Variants in RBPMS observed in about 807,000 individuals in gnomAD.
RBPMS encodes the protein RNA binding protein, mRNA processing factor.
A neutral mutation model predicts 26.8 loss-of-function variants in RBPMS; 7 were observed. The observed-to-expected ratio is 0.26, with a 90% confidence interval of 0.15 to 0.49. The LOEUF is 0.49. Among genes scored for constraint, RBPMS ranks in the 20% least tolerant of loss-of-function variants. The pLI, the probability that RBPMS is intolerant of heterozygous loss-of-function variation, is 0.98. For missense variants in RBPMS, 186 were observed against 250.0 expected (o/e 0.74, Z 1.73); for synonymous variants, 96 against 93.3 (o/e 1.03, Z -0.17).
intron 2 of RBPMS, among the ~76,000 whole-genome samples, chr8:30,477,121 C>CGGCT (rs992386715): frequency 1.4e-4 from 21 of 152,146 alleles, no homozygotes; most frequent in Non-Finnish European, 1.2e-4. Context: ...GTGACGCCAT[C>CGGCT]GGCTCACTGC....
chr8:30,461,055 A>G (rs1815832357), intron 1 of RBPMS, among the ~76,000 whole-genome samples: 1 of 151,772 alleles, frequency 6.6e-6, no homozygotes, highest in Non-Finnish European at 1.5e-5. Context: ...TGAAAAAAAA[A>G]AAAAAGAAAT....
chr8:30,451,029 G>A (rs1285250869), intron 1 of RBPMS, among the ~76,000 whole-genome samples: 1 of 152,040 alleles, frequency 6.6e-6, no homozygotes, highest in Non-Finnish European at 1.5e-5. Flanking sequence ...TCCTTGAAAA[G>A]CCCTGGAGGT....
chr8:30,529,752 CT>C (rs34005902), intron 5 of RBPMS, among the ~76,000 whole-genome samples: 27,802 of 140,572 alleles, frequency 0.2, 2,737 homozygotes, highest in South Asian at 0.38. Context: ...GAACTTCATC[CT>C]TTTTTTTTTT....
chr8:30,489,652 T>C (rs897578880), intron 4 of RBPMS, among the ~76,000 whole-genome samples: 1 of 151,750 alleles, frequency 6.6e-6, no homozygotes, highest in African/African-American at 2.4e-5. Flanking sequence ...ACCCCGTTGG[T>C]CAGGCTGGTC....
chr8:30,524,017 T>C (rs907185855), intron 5 of RBPMS, among the ~76,000 whole-genome samples: 5 of 152,226 alleles, frequency 3.3e-5, no homozygotes, highest in Non-Finnish European at 7.3e-5. Flanking sequence ...GCTTGCAGTT[T>C]ATTTGTTGTG....
intron 1 of RBPMS, among the ~76,000 whole-genome samples, chr8:30,443,450 G>A (rs1008930142): frequency 6.6e-5 from 10 of 152,162 alleles, no homozygotes; most frequent in African/African-American, 2.4e-4. Flanking sequence ...TTTTGGACAG[G>A]TTCCTTAACC....
At chr8:30,416,541 G>T (rs893635281) in intron 1 of RBPMS, among the ~76,000 whole-genome samples, 1 of 152,206 alleles carries the variant, frequency 6.6e-6, no homozygotes, top group Non-Finnish European at 1.5e-5. Flanking sequence ...GGAGTGCAGT[G>T]GTACGACCTT....
chr8:30,516,779 A>T (rs189650533), intron 5 of RBPMS, among the ~76,000 whole-genome samples: 1 of 152,276 alleles, frequency 6.6e-6, no homozygotes, highest in Non-Finnish European at 1.5e-5. Context: ...CTGTAGTCCC[A>T]GCTACTCAGG....
chr8:30,491,454 G>C (rs1048352282), intron 4 of RBPMS, among the ~76,000 whole-genome samples: 9 of 152,122 alleles, frequency 5.9e-5, no homozygotes, highest in African/African-American at 1.9e-4. Context: ...GCACACACAG[G>C]GTGGGAGGTT....
At chr8:30,385,661 AATAG>A (rs1341625838) in intron 1 of RBPMS, among the ~76,000 whole-genome samples, 16 of 152,108 alleles carry the variant, frequency 1.1e-4, no homozygotes, top group Non-Finnish European at 2.2e-4. Flanking sequence ...TTTTTGGATT[AATAG>A]ATAACTCATC....
At chr8:30,444,470 T>C (rs1262609555) in intron 1 of RBPMS, among the ~76,000 whole-genome samples, 1 of 152,090 alleles carries the variant, frequency 6.6e-6, no homozygotes, top group African/African-American at 2.4e-5. Context: ...GGTTGTGGAG[T>C]CATATGTAAA....
chr8:30,496,768 T>A (rs1464527779), intron 4 of RBPMS, among the ~76,000 whole-genome samples: 1 of 152,236 alleles, frequency 6.6e-6, no homozygotes, highest in Non-Finnish European at 1.5e-5. Context: ...TGGTTCATTT[T>A]TAACTCACCT....
At chr8:30,556,183 C>G in intron 6 of RBPMS, 1 of 985,422 alleles carries the variant, frequency 1.0e-6, no homozygotes, top group Non-Finnish European at 1.2e-6. Context: ...TGTCCGCCAC[C>G]CGCCACCACA....
chr8:30,541,290 C>A (rs1284553539), intron 5 of RBPMS, among the ~76,000 whole-genome samples: 1 of 152,134 alleles, frequency 6.6e-6, no homozygotes, highest in South Asian at 2.1e-4. Flanking sequence ...CTTCATCAGA[C>A]GCTCTGCAGT....
At chr8:30,474,117 C>T (rs1817441139) in intron 1 of RBPMS, among the ~76,000 whole-genome samples, 1 of 150,790 alleles carries the variant, frequency 6.6e-6, no homozygotes, top group African/African-American at 2.4e-5. Context: ...AACAAAAATG[C>T]AATGGGAACA....
At chr8:30,553,099 A>T (rs1826533801) in intron 6 of RBPMS, 1 of 152,280 alleles carries the variant, frequency 6.6e-6, no homozygotes, top group Non-Finnish European at 1.5e-5. Context: ...CCTAGATCAT[A>T]GCGACTTAAT....
intron 5 of RBPMS, among the ~76,000 whole-genome samples, chr8:30,524,985 A>C (rs981268315): frequency 2.6e-5 from 4 of 152,180 alleles, no homozygotes; most frequent in African/African-American, 4.8e-5. Context: ...ATCAGTGGAT[A>C]TATTTATGAA....
Position 30,507,010 on chromosome 8 carries a change from A to AG in RBPMS, c.397+2576dup, listed in dbSNP as rs1821141762. The stretch of plus-strand genomic sequence containing the variant: ...GTCAGAAAAACTTGGCCCCATATGA[A>AG]GGACATATAAGAGATTCTGCAGCTT... On this transcript the variant is annotated intron_variant, in intron 5 of 8. Transcript: ENST00000397323. Among the ~76,000 whole-genome samples, 3 of 152,274 alleles carry AG rather than the reference A, an allele frequency of 2.0e-5. No homozygotes were observed. In the South Asian group the frequency reaches 6.2e-4, roughly 32 times the overall value.
chr8:30,511,815 CTG>C lies in RBPMS; in HGVS notation c.397+7383_397+7384del, dbSNP rs140307676. 6.4e-3 allele frequency among the ~76,000 whole-genome samples: 968 copies of C among 151,918 alleles called. 16 individuals are homozygous for C. The highest frequency in any genetic ancestry group is 0.022 in the African/African-American group (907 of 41,400). On this transcript the variant is annotated intron_variant, in intron 5 of 8. Transcript: ENST00000397323. ...CTGCAGCCTGGGCAACAGAGTGAGA[CTG>C]TGTCTCAAAAAAAAATCAAGCTTCA...
Sources: gnomAD v4.1 joint callset for allele counts (sites outside exome capture counted in the v4.1 genomes callset) on GRCh38, gnomAD v4.1.1 for gene constraint, MANE v1.5 for transcripts, NCBI Gene and HGNC (gene_info 2026-07-23, HGNC 2026-07-21) for gene names.